GPC5: variants seen among roughly 807,000 people sequenced by gnomAD.
GPC5 encodes glypican 5.
In GPC5, 47 loss-of-function variants were observed where a neutral mutation model predicts 53.9. The ratio of observed to expected loss-of-function variants is 0.87; its 90% confidence interval spans 0.69 to 1.11. The LOEUF is 1.11. Among genes scored for constraint, GPC5 ranks in the 50% most tolerant of loss-of-function variants. GPC5 has a pLI of 0.00. For missense variants in GPC5, 748 were observed against 713.1 expected (o/e 1.05, Z -0.56); for synonymous variants, 286 against 263.3 (o/e 1.09, Z -0.84).
chr13:92,468,173 T>C (rs1878773662), intron 7 of GPC5, among the ~76,000 whole-genome samples: 1 of 152,110 alleles, frequency 6.6e-6, no homozygotes, highest in Admixed American at 6.6e-5. Flanking sequence ...ATTGGTTGAT[T>C]CAATTATGGA....
intron 7 of GPC5, among the ~76,000 whole-genome samples, chr13:92,402,326 G>A (rs4142024): frequency 0.53 from 80,813 of 151,934 alleles, 21,693 homozygotes; most frequent in East Asian, 0.72. Context: ...TAACAAACTC[G>A]TAAATAAGCA....
intron 7 of GPC5, among the ~76,000 whole-genome samples, chr13:92,548,270 A>G (rs1882196307): frequency 6.6e-6 from 1 of 151,960 alleles, no homozygotes; most frequent in Non-Finnish European, 1.5e-5. Context: ...ATCATTTTTA[A>G]TTGAAGAAAA....
At chr13:91,743,252 A>G (rs1363522150) in intron 4 of GPC5, among the ~76,000 whole-genome samples, 4 of 152,120 alleles carry the variant, frequency 2.6e-5, no homozygotes, top group Admixed American at 1.3e-4. Context: ...AATTTTTTTT[A>G]CTGAACTTCT....
At chr13:92,782,639 T>C (rs984641128) in intron 7 of GPC5, among the ~76,000 whole-genome samples, 52 of 152,256 alleles carry the variant, frequency 3.4e-4, no homozygotes, top group Admixed American at 7.2e-4. Context: ...AGCTCATTAT[T>C]TTCTTTTACT....
chr13:91,619,415 G>A (rs1309844424), intron 2 of GPC5, among the ~76,000 whole-genome samples: 1 of 151,976 alleles, frequency 6.6e-6, no homozygotes, highest in African/African-American at 2.4e-5. Flanking sequence ...GTTGATTTCG[G>A]CTGCTAAAAT....
At chr13:92,775,730 T>C (rs1277287096) in intron 7 of GPC5, among the ~76,000 whole-genome samples, 2 of 152,188 alleles carry the variant, frequency 1.3e-5, no homozygotes, top group Admixed American at 1.3e-4. Context: ...CCCATCTATT[T>C]AGCTCATATC....
At chr13:92,264,874 C>G (rs946655404) in intron 7 of GPC5, among the ~76,000 whole-genome samples, 2 of 116,624 alleles carry the variant, frequency 1.7e-5, no homozygotes, top group African/African-American at 4.0e-5. Context: ...CTCTCTCTCT[C>G]TCTCTGTGTG....
chr13:92,160,918 G>T (rs539847024), intron 7 of GPC5, among the ~76,000 whole-genome samples: 14 of 152,220 alleles, frequency 9.2e-5, no homozygotes, highest in African/African-American at 2.9e-4. Context: ...AACTCTGTAG[G>T]ATATGGTCAA....
chr13:91,872,890 G>A (rs2039162967), intron 5 of GPC5, among the ~76,000 whole-genome samples: 1 of 152,104 alleles, frequency 6.6e-6, no homozygotes, highest in African/African-American at 2.4e-5. Context: ...AAAGAACAAA[G>A]AAGGAAACTT....
intron 7 of GPC5, among the ~76,000 whole-genome samples, chr13:92,197,774 C>T (rs2042267592): frequency 6.6e-6 from 1 of 151,946 alleles, no homozygotes. Context: ...CCTCAGCCTC[C>T]CAAAGTCCTA....
intron 7 of GPC5, among the ~76,000 whole-genome samples, chr13:92,701,673 C>A (rs41300596): frequency 0.15 from 23,416 of 152,100 alleles, 2,185 homozygotes; most frequent in Non-Finnish European, 0.22. Context: ...AAGAAATTCT[C>A]TTTAGTGCAA....
At chr13:92,769,214 G>A (rs767554467) in intron 7 of GPC5, among the ~76,000 whole-genome samples, 2 of 152,120 alleles carry the variant, frequency 1.3e-5, no homozygotes, top group Non-Finnish European at 2.9e-5. Context: ...TGCTGGGAAG[G>A]TTGCATCATT....
At chr13:91,978,846 T>C (rs1450098446) in intron 6 of GPC5, among the ~76,000 whole-genome samples, 1 of 152,174 alleles carries the variant, frequency 6.6e-6, no homozygotes, top group African/African-American at 2.4e-5. Flanking sequence ...CCAGGTGAGA[T>C]ATGATAATGG....
intron 7 of GPC5, among the ~76,000 whole-genome samples, chr13:92,737,188 C>T (rs1485982584): frequency 6.6e-6 from 1 of 152,006 alleles, no homozygotes; most frequent in Non-Finnish European, 1.5e-5. Context: ...ATTTTCATCT[C>T]TTTATGTCTA....
intron 7 of GPC5, among the ~76,000 whole-genome samples, chr13:92,171,324 C>T (rs913893902): frequency 1.4e-4 from 21 of 152,242 alleles, no homozygotes; most frequent in African/African-American, 4.8e-4. Flanking sequence ...TTTTAGAAAA[C>T]ATGTTGATTA....
At chr13:92,563,098 T>TA (rs748572410) in intron 7 of GPC5, among the ~76,000 whole-genome samples, 12 of 152,164 alleles carry the variant, frequency 7.9e-5, no homozygotes, top group Non-Finnish European at 1.6e-4. Context: ...TATAGCAGTC[T>TA]TAAATTCCTA....
chr13:92,079,463 C>T (rs2041278117), intron 6 of GPC5, among the ~76,000 whole-genome samples: 2 of 152,312 alleles, frequency 1.3e-5, no homozygotes, highest in South Asian at 4.1e-4. Flanking sequence ...CATTTCTTTA[C>T]ATTAATTGAG....
At chr13:92,267,111 A>G (rs1407545495) in intron 7 of GPC5, among the ~76,000 whole-genome samples, 2 of 152,082 alleles carry the variant, frequency 1.3e-5, no homozygotes, top group Admixed American at 6.6e-5. Flanking sequence ...CGGAGTTCTA[A>G]TAAGCATACA....
intron 7 of GPC5, chr13:92,448,504 T>C (rs1212182506): frequency 6.9e-6 from 1 of 145,058 alleles, no homozygotes; most frequent in African/African-American, 2.6e-5. Flanking sequence ...TACTGTAATA[T>C]TATGAGATAA....
Sources: gnomAD v4.1 joint callset for allele counts (sites outside exome capture counted in the v4.1 genomes callset) on GRCh38, gnomAD v4.1.1 for gene constraint, MANE v1.5 for transcripts, NCBI Gene and HGNC (gene_info 2026-07-23, HGNC 2026-07-21) for gene names.